ZBTB38: variants seen among roughly 807,000 people sequenced by gnomAD.
ZBTB38 encodes the protein zinc finger and BTB domain-containing protein 38.
A neutral mutation model predicts 76.8 loss-of-function variants in ZBTB38; 20 were observed. The ratio of observed to expected loss-of-function variants is 0.26; its 90% CI spans 0.18 to 0.38. The LOEUF is 0.38. ZBTB38 is among the 10% of genes least tolerant of loss of function. The pLI, the probability that ZBTB38 is intolerant of heterozygous loss-of-function variation, is 1.00. For missense variants in ZBTB38, 1,082 were observed against 1,482.3 expected (o/e 0.73, Z 4.43); for synonymous variants, 504 against 544.2 (o/e 0.93, Z 1.03).
At chr3:141,361,585 AAG>A (rs1943827980) in intron 1 of ZBTB38, among the ~76,000 whole-genome samples, 1 of 152,254 alleles carries the variant, frequency 6.6e-6, no homozygotes, top group Non-Finnish European at 1.5e-5. Context: ...GAGAAAGTGA[AAG>A]AGTCTTGAAA....
rs2081315634 is a variant in ZBTB38, at chr3:141,449,120, G to C, written c.*3144G>C. 1.3e-5 allele frequency: 2 copies of C among 152,198 alleles called. No individual in the cohort carries two copies. Among genetic ancestry groups the C allele is most frequent in the Admixed American group, 6.5e-5 (1 of 15,278 alleles). The allele number at this position is 152,198 out of a possible 1,614,324, so 9.4% of individuals were successfully genotyped here. A position where few individuals can be genotyped will look rare whatever the true frequency, so the allele number is the denominator to read the frequency against. The stretch of plus-strand genomic sequence containing the variant: ...CCTCGTTTTATAGTGACTTTGAGAA[G>C]GTCTCACAACCAGACAAAGCCAGGA... On this transcript the variant is annotated 3_prime_UTR_variant, in exon 6 of 6. Coordinates refer to ENST00000321464, the MANE Select transcript of ZBTB38 (RefSeq NM_001376113.1).
Position 141,443,658 on chromosome 3 carries a change from G to T in ZBTB38, c.1270G>T (p.Gly424Cys), listed in dbSNP as rs778786483. The T allele has an allele frequency of 6.2e-7, 1 of 1,614,184 alleles. No homozygotes were observed. The highest frequency in any genetic ancestry group is 8.5e-7 in the Non-Finnish European group (1 of 1,180,036). The change falls in exon 6 of 6, where the codon GGT (glycine) becomes TGT (cysteine). Residue 424 changes from glycine (G) to cysteine (C), a missense_variant. Gly to Cys is a radical substitution (Grantham distance 159). Coordinates refer to ENST00000321464, the MANE Select transcript of ZBTB38 (RefSeq NM_001376113.1). This position sits in a 1 kb window ranked among gnomAD's most constrained non-coding sequence, Gnocchi z 5.6. ...TIGQNGGSFTGPEPLLSENRI... is the reference protein window; with the variant it reads ...TIGQNGGSFTCPEPLLSENRI... ...TGGACAAAATGGAGGTTCATTCACA[G>T]GTCCAGAACCTTTATTATCTGAAAA...
intron 3 of ZBTB38, among the ~76,000 whole-genome samples, chr3:141,384,401 A>C (rs768237247): frequency 2.0e-5 from 3 of 152,278 alleles, no homozygotes; most frequent in Admixed American, 6.5e-5. Context: ...ACTTAGTTCT[A>C]TGTGGTCAGA....
chr3:141,442,960 A>T lies in ZBTB38; in HGVS notation c.572A>T (p.Lys191Met). 1 of 1,614,260 alleles carries T rather than the reference A, an allele frequency of 6.2e-7. No homozygotes were observed. The highest frequency in any genetic ancestry group is 1.1e-5 in the South Asian group (1 of 91,086). Residue 191 changes from lysine to methionine, a missense_variant, in exon 6 of 6, where the codon AAG (lysine) becomes ATG (methionine). By Grantham distance (95) the Lys-to-Met change is moderately conservative (BLOSUM62 -1). Coordinates refer to ENST00000321464, the MANE Select transcript of ZBTB38 (RefSeq NM_001376113.1). This position sits in a 1 kb window ranked among gnomAD's most constrained non-coding sequence, Gnocchi z 6.4. Reference protein sequence around the residue: ...SPLDLRASFKKVSDSMRTASL... With the variant: ...SPLDLRASFKMVSDSMRTASL... ...CTGGACTTGAGGGCAAGTTTCAAAA[A>T]GGTCTCCGACTCCATGAGAACAGCT...
chr3:141,362,396 C>T (rs568225324), intron 1 of ZBTB38, among the ~76,000 whole-genome samples: 2 of 152,154 alleles, frequency 1.3e-5, no homozygotes, highest in African/African-American at 4.8e-5. Flanking sequence ...GATCTAAACC[C>T]CCCACATCAT....
At chr3:141,409,599 C>T (rs958372516) in intron 5 of ZBTB38, among the ~76,000 whole-genome samples, 3 of 152,284 alleles carry the variant, frequency 2.0e-5, no homozygotes, top group African/African-American at 7.2e-5. Flanking sequence ...GTATCAACTA[C>T]GTGCCAGGTA....
At chr3:141,371,416 G>A (rs527982043) in intron 2 of ZBTB38, among the ~76,000 whole-genome samples, 11 of 151,142 alleles carry the variant, frequency 7.3e-5, no homozygotes, top group Non-Finnish European at 1.5e-4. Flanking sequence ...GCAGTGGCAC[G>A]ATCATGGCTC....
chr3:141,419,371 G>T (rs926514142), intron 5 of ZBTB38, among the ~76,000 whole-genome samples: 1 of 152,144 alleles, frequency 6.6e-6, no homozygotes, highest in African/African-American at 2.4e-5. Context: ...TTTTTGAGTG[G>T]CAGATACATG....
At position 141,423,233 on chromosome 3, in the gene ZBTB38, A is replaced by G. The variant is rs554347726; in HGVS notation, c.1-19156A>G. On this transcript the variant is annotated intron_variant, in intron 5 of 5. Transcript: ENST00000321464. ...CTTACAAACTGACCCTGCTTCCAAT[A>G]CCTTTCAACTGTCGAGCATTTAATT... Among the ~76,000 whole-genome samples the G allele has an allele frequency of 7.2e-5, 11 of 152,276 alleles. No individual in the cohort carries two copies. The East Asian group carries it at 1.5e-3, about 21-fold the overall frequency.
rs2149157217 is a variant in ZBTB38 at position 141,380,367 on chromosome 3, C to T, written c.-234-1058C>T. Among the ~76,000 whole-genome samples the T allele has an allele frequency of 1.3e-5, 2 of 152,348 alleles. 1 individual carries two copies. Among genetic ancestry groups the T allele is most frequent in the South Asian group, 4.1e-4 (2 of 4,832 alleles). ...AGGAGAGACAGGTTTACACAAAGCA[C>T]TGTGGTCTGCTTGCCAGACAACTTG... On this transcript the variant is annotated intron_variant, in intron 2 of 5. Coordinates refer to ENST00000321464, the MANE Select transcript of ZBTB38 (RefSeq NM_001376113.1).
chr3:141,397,653 A>T (rs1016490262), intron 4 of ZBTB38, among the ~76,000 whole-genome samples: 4 of 152,200 alleles, frequency 2.6e-5, no homozygotes, highest in African/African-American at 7.2e-5. Flanking sequence ...TTGTAAGGTT[A>T]ATTGGCCTAA....
At chr3:141,381,962 A>C (rs542962917) in intron 3 of ZBTB38, among the ~76,000 whole-genome samples, 1 of 152,368 alleles carries the variant, frequency 6.6e-6, no homozygotes, top group South Asian at 2.1e-4. Context: ...ATAAAGCAGT[A>C]AATTTGGTTG....
At chr3:141,428,404 T>A (rs967834804) in intron 5 of ZBTB38, among the ~76,000 whole-genome samples, 3 of 152,236 alleles carry the variant, frequency 2.0e-5, no homozygotes, top group Admixed American at 6.5e-5. Context: ...TTACCACATC[T>A]GTACTATGAG....
At position 141,443,097 on chromosome 3, in the gene ZBTB38, G is replaced by C; in HGVS notation, c.709G>C (p.Val237Leu). The C allele has an allele frequency of 6.2e-7, 1 of 1,614,224 alleles. No individual in the cohort carries two copies. The highest frequency in any genetic ancestry group is 1.1e-5 in the South Asian group (1 of 91,088). Reference sequence around the variant, plus strand: ...AGCTGAAGCTTACAGAAGTCAGCCTGTACGTGAACATGATGGCAGTTCACC... The same window carrying C: ...AGCTGAAGCTTACAGAAGTCAGCCTCTACGTGAACATGATGGCAGTTCACC... ...SVAEAYRSQP[V>L]REHDGSSPGN... The change falls in exon 6 of 6, where the codon GTA (valine) becomes CTA (leucine). Residue 237 changes from valine to leucine, a missense_variant. This residue lies in a region of ZBTB38 where 324 missense variants were observed against 359.1 expected (regional missense o/e 0.90). Coordinates refer to ENST00000321464, the MANE Select transcript of ZBTB38 (RefSeq NM_001376113.1). This position sits in a 1 kb window ranked among gnomAD's most constrained non-coding sequence, Gnocchi z 5.6.
intron 5 of ZBTB38, among the ~76,000 whole-genome samples, chr3:141,428,923 T>C (rs780065518): frequency 1.8e-4 from 28 of 152,228 alleles, no homozygotes; most frequent in Non-Finnish European, 3.5e-4. Context: ...AAAATTGTAA[T>C]TGGCAATATT....
chr3:141,408,574 A>AT (rs928094632), intron 5 of ZBTB38, among the ~76,000 whole-genome samples: 1 of 151,938 alleles, frequency 6.6e-6, no homozygotes, highest in African/African-American at 2.4e-5. Flanking sequence ...AGAATGTATC[A>AT]TTTTTTTCTT....
At chr3:141,356,069 T>G (rs1196083399) in intron 1 of ZBTB38, among the ~76,000 whole-genome samples, 2 of 151,768 alleles carry the variant, frequency 1.3e-5, no homozygotes, top group Non-Finnish European at 2.9e-5. Flanking sequence ...AGGTGTGTGT[T>G]TGTGTGTGTG....
At chr3:141,418,332 T>G (rs552479204) in intron 5 of ZBTB38, among the ~76,000 whole-genome samples, 2 of 152,324 alleles carry the variant, frequency 1.3e-5, no homozygotes, top group South Asian at 2.1e-4. Flanking sequence ...CCTTCCTGCC[T>G]TTGCTTAGAC....
chr3:141,406,741 A>G (rs1054541693), intron 5 of ZBTB38, among the ~76,000 whole-genome samples: 2 of 152,192 alleles, frequency 1.3e-5, no homozygotes, highest in South Asian at 2.1e-4. Flanking sequence ...CTGGCAAGAT[A>G]GTAAGGAAGA....
Sources: gnomAD v4.1 joint callset for allele counts (sites outside exome capture counted in the v4.1 genomes callset) on GRCh38, gnomAD v4.1.1 for gene constraint, gnomAD v4.1.1 regional missense constraint, Gnocchi (gnomAD v3.1) non-coding constraint, MANE v1.5 for transcripts, NCBI Gene and HGNC (gene_info 2026-07-23, HGNC 2026-07-21) for gene names.